The following DSCAM variants were observed in gnomAD, a reference collection of about 807,000 sequenced individuals.
DSCAM encodes cell adhesion molecule DSCAM.
A neutral mutation model predicts 217.7 loss-of-function variants in DSCAM; 47 were observed. The ratio of observed to expected loss-of-function variants is 0.22; its 90% CI spans 0.17 to 0.28. The LOEUF (loss-of-function observed/expected upper bound fraction) is 0.28. Ranked by LOEUF, DSCAM falls within the 10% of genes least tolerant of loss-of-function variation. DSCAM has a pLI of 1.00. For synonymous variants in DSCAM, 1,056 were observed against 1,015.3 expected, an observed-to-expected ratio of 1.04 and a Z score of -0.76; for missense variants, 2,080 against 2,618.3, an observed-to-expected ratio of 0.79 and a Z score of 4.49.
intron 3 of DSCAM, among the ~76,000 whole-genome samples, chr21:40,410,946 T>C (rs2075317407): frequency 6.6e-6 from 1 of 152,128 alleles, no homozygotes; most frequent in Non-Finnish European, 1.5e-5. Context: ...AGAAAATATG[T>C]GGTTAAATGT....
chr21:40,810,448 TA>T (rs1348699414), intron 1 of DSCAM, among the ~76,000 whole-genome samples: 19 of 152,204 alleles, frequency 1.2e-4, no homozygotes, highest in African/African-American at 4.6e-4. Context: ...TCCTGGTGGG[TA>T]GTCTGGTAAA....
intron 1 of DSCAM, among the ~76,000 whole-genome samples, chr21:40,725,170 T>C (rs182306386): frequency 4.3e-4 from 65 of 152,308 alleles, no homozygotes; most frequent in Non-Finnish European, 8.5e-4. Context: ...GTTAAATCCA[T>C]TGCCATTGGC....
In DSCAM at chr21:40,166,853, C is replaced by A. The variant is rs1568977488; in HGVS notation, c.3018+365G>T. Among the ~76,000 whole-genome samples, 3 of 152,190 alleles carry A rather than the reference C, an allele frequency of 2.0e-5. No individual in the cohort carries two copies. The South Asian group carries it at 6.2e-4, about 32-fold the overall frequency. ...TGCCACCTCGGTGGACTGTCTGCCACCGCATGCTTTGCCATTTAAAAAAAG... is the reference window on the plus strand; with the variant it reads ...TGCCACCTCGGTGGACTGTCTGCCAACGCATGCTTTGCCATTTAAAAAAAG... On this transcript the variant is annotated intron_variant, in intron 16 of 32. Coordinates refer to ENST00000400454, the MANE Select transcript of DSCAM (RefSeq NM_001389.5).
intron 11 of DSCAM, among the ~76,000 whole-genome samples, chr21:40,200,008 T>C (rs1461651243): frequency 7.3e-6 from 1 of 136,866 alleles, no homozygotes; most frequent in East Asian, 2.0e-4. Flanking sequence ...CTTGCTGTCC[T>C]CAGGATTCTT....
At chr21:40,622,692 G>C (rs1463051163) in intron 3 of DSCAM, among the ~76,000 whole-genome samples, 1 of 152,156 alleles carries the variant, frequency 6.6e-6, no homozygotes, top group Non-Finnish European at 1.5e-5. Context: ...GGATTGGACA[G>C]CTCCTCTGTG....
intron 1 of DSCAM, among the ~76,000 whole-genome samples, chr21:40,829,621 C>T (rs2091996953): frequency 6.6e-6 from 1 of 152,166 alleles, no homozygotes; most frequent in African/African-American, 2.4e-5. Flanking sequence ...TTGGAGTCAG[C>T]TGTCAAGAGA....
At chr21:40,770,932 G>A (rs1379161850) in intron 1 of DSCAM, among the ~76,000 whole-genome samples, 1 of 152,204 alleles carries the variant, frequency 6.6e-6, no homozygotes, top group African/African-American at 2.4e-5. Context: ...GGGTGCCAAG[G>A]TGAGAAGTTG....
chr21:40,167,509 T>C lies in DSCAM; in HGVS notation c.2948-221A>G, dbSNP rs528096035. On this transcript the variant is annotated intron_variant, in intron 15 of 32. Coordinates refer to ENST00000400454, the MANE Select transcript of DSCAM (RefSeq NM_001389.5). ...TGGAAACATGAATCTTGGGGACCTA[T>C]CATGGTATTCCTTCTCACCATGTCT... Among the ~76,000 whole-genome samples the C allele has an allele frequency of 7.7e-4, 117 of 152,284 alleles. 1 individual carries two copies. Among genetic ancestry groups the C allele is most frequent in the African/African-American group, 2.5e-3 (105 of 41,570 alleles).
At position 40,055,798 on chromosome 21, in the gene DSCAM, C is replaced by A. The variant is rs1390971468; in HGVS notation, c.4962G>T (p.Gln1654His). ...RTSDTLSKQQ[Q>H]TLRMHIDIPR... ...GTATGTCGATGTGCATTCGCAGGGTCTGCTGTTGCTTGCTTAACGTATCTG... is the reference window on the plus strand; with the variant it reads ...GTATGTCGATGTGCATTCGCAGGGTATGCTGTTGCTTGCTTAACGTATCTG... The change falls in exon 29 of 33, where the codon CAG becomes CAT. Residue 1654 changes from glutamine (Q) to histidine (H), a missense_variant. Physicochemically the swap from Gln to His is conservative, Grantham distance 24 (BLOSUM62 0). Transcript: ENST00000400454. 1.1e-5 allele frequency: 17 copies of A among 1,613,762 alleles called. No individual in the cohort carries two copies. Among genetic ancestry groups the A allele is most frequent in the Non-Finnish European group, 1.4e-5 (17 of 1,179,782 alleles).
intron 3 of DSCAM, among the ~76,000 whole-genome samples, chr21:40,640,610 G>C (rs1300436160): frequency 6.6e-6 from 1 of 152,150 alleles, no homozygotes; most frequent in Non-Finnish European, 1.5e-5. Context: ...GTGAGAGATG[G>C]GGATGGAGAT....
intron 3 of DSCAM, among the ~76,000 whole-genome samples, chr21:40,528,795 G>A (rs1208944267): frequency 6.6e-6 from 1 of 151,774 alleles, no homozygotes; most frequent in African/African-American, 2.4e-5. Context: ...AATCCTAGAG[G>A]ATAAAAGACA....
chr21:40,135,957 C>T (rs1394048262), intron 18 of DSCAM, among the ~76,000 whole-genome samples: 1 of 152,204 alleles, frequency 6.6e-6, no homozygotes, highest in Non-Finnish European at 1.5e-5. Context: ...GTGGCTCCCA[C>T]AGTCCAGGCC....
chr21:40,560,781 C>A lies in DSCAM; in HGVS notation c.508+132029G>T, dbSNP rs148663396. 1.3e-3 allele frequency among the ~76,000 whole-genome samples: 195 copies of A among 152,320 alleles called. 1 individual carries two copies. The highest frequency in any genetic ancestry group is 4.3e-3 in the African/African-American group (179 of 41,558). ...TGACAGTGTAGCTGACTGGGGATTG[C>A]AGCTTGCTGCCTCTGCCCAGCATCA... On this transcript the variant is annotated intron_variant, in intron 3 of 32. Transcript: ENST00000400454.
chr21:40,831,231 C>T (rs2092009683), intron 1 of DSCAM, among the ~76,000 whole-genome samples: 1 of 152,230 alleles, frequency 6.6e-6, no homozygotes. Context: ...ACATATATCA[C>T]ATATGAGTAG....
At chr21:40,617,310 G>C (rs1286881140) in intron 3 of DSCAM, among the ~76,000 whole-genome samples, 1 of 151,762 alleles carries the variant, frequency 6.6e-6, no homozygotes, top group Non-Finnish European at 1.5e-5. Flanking sequence ...ATTTTTAGTA[G>C]AGACGGGGTT....
chr21:40,836,440 C>T (rs1019905160), intron 1 of DSCAM, among the ~76,000 whole-genome samples: 1 of 152,206 alleles, frequency 6.6e-6, no homozygotes, highest in African/African-American at 2.4e-5. Flanking sequence ...CTGGCAGGAT[C>T]TACATACCCC....
chr21:40,602,658 T>C (rs2077071469), intron 3 of DSCAM, among the ~76,000 whole-genome samples: 1 of 152,186 alleles, frequency 6.6e-6, no homozygotes, highest in South Asian at 2.1e-4. Context: ...CCTTTTAACA[T>C]CTATGAAAGC....
At chr21:40,472,988 A>G (rs527961813) in intron 3 of DSCAM, among the ~76,000 whole-genome samples, 41 of 152,302 alleles carry the variant, frequency 2.7e-4, no homozygotes, top group African/African-American at 9.1e-4. Context: ...TCAGTGGGCT[A>G]CAAACCCATT....
At chr21:40,299,924 C>A (rs1028516964) in intron 9 of DSCAM, among the ~76,000 whole-genome samples, 6 of 152,154 alleles carry the variant, frequency 3.9e-5, no homozygotes, top group African/African-American at 1.4e-4. Context: ...GGAGCCCCCA[C>A]AAGGAGTCAC....
Sources: allele counts gnomAD v4.1 joint callset (sites outside exome capture counted in the v4.1 genomes callset), GRCh38; gene constraint gnomAD v4.1.1; transcripts MANE v1.5; gene names NCBI Gene and HGNC (gene_info 2026-07-23, HGNC 2026-07-21).